Variants in C6orf132 observed in about 807,000 individuals in gnomAD.
C6orf132 encodes uncharacterized protein C6orf132.
In C6orf132, 43 loss-of-function variants were observed where a neutral mutation model predicts 65.3. That is an observed-to-expected ratio of 0.66 (90% CI 0.52 to 0.85). C6orf132 has a LOEUF of 0.85. Among genes scored for constraint, C6orf132 ranks in the 40% least tolerant of loss-of-function variants. The pLI, the probability that C6orf132 is intolerant of heterozygous loss-of-function variation, is 0.00. For synonymous variants in C6orf132, 631 were observed against 654.1 expected, an observed-to-expected ratio of 0.96 and a Z score of 0.54; for missense variants, 1,488 against 1,548.8, an observed-to-expected ratio of 0.96 and a Z score of 0.66.
chr6:42,138,675 AG>A (rs1766988628), intron 1 of C6orf132, among the ~76,000 whole-genome samples: 4 of 152,160 alleles, frequency 2.6e-5, no homozygotes, highest in Admixed American at 2.0e-4. Context: ...CTAGCAAACA[AG>A]GGTGTCCCAT....
intron 2 of C6orf132, among the ~76,000 whole-genome samples, chr6:42,118,209 A>G (rs1392355837): frequency 1.3e-5 from 2 of 152,146 alleles, no homozygotes; most frequent in East Asian, 3.9e-4. Context: ...AGACAACTGT[A>G]TTGCCTCGAG....
At chr6:42,107,616 G>A in intron 3 of C6orf132, 33 bp from the exon 4 acceptor site, 1 of 1,550,282 alleles carries the variant, frequency 6.5e-7, no homozygotes, top group Non-Finnish European at 8.7e-7. Context: ...TGGGGGGCAG[G>A]AACAAGGCAG....
chr6:42,107,366 G>A lies in C6orf132; in HGVS notation c.546C>T (p.Pro182=). The change falls in exon 4 of 5, where the codon CCC becomes CCT. Residue 182 remains proline (P), a synonymous_variant. Coordinates refer to ENST00000341865, the MANE Select transcript of C6orf132 (RefSeq NM_001164446.3). ...PPPPLLLEPP[P]PPSMAPPPPP... ...GTGGAGGTGGGGCCATGCTGGGCGG[G>A]GGTGGGGGTTCCAGCAGCAGGGGAG... is the stretch of plus-strand genomic sequence containing the variant. 9.5e-7 allele frequency: 1 copy of A among 1,055,008 alleles called. No individual in the cohort carries two copies. Among genetic ancestry groups the A allele is most frequent in the South Asian group, 1.6e-5 (1 of 63,554 alleles). The allele number at this position is 1,055,008 out of a possible 1,614,324, so 65.4% of individuals were successfully genotyped here.
At chr6:42,133,255 G>T (rs868684154) in intron 1 of C6orf132, among the ~76,000 whole-genome samples, 2 of 152,250 alleles carry the variant, frequency 1.3e-5, no homozygotes, top group Admixed American at 6.5e-5. Context: ...GGAGGTGAAG[G>T]GGGTGCCTGG....
chr6:42,115,079 T>A (rs1313429902), intron 2 of C6orf132, among the ~76,000 whole-genome samples: 1 of 147,406 alleles, frequency 6.8e-6, no homozygotes, highest in Non-Finnish European at 1.5e-5. Context: ...GGTGGGCAGA[T>A]CACGAGGTCA....
intron 3 of C6orf132, among the ~76,000 whole-genome samples, chr6:42,109,113 G>A (rs941327040): frequency 6.6e-6 from 1 of 152,158 alleles, no homozygotes; most frequent in African/African-American, 2.4e-5. Context: ...AACACCAGCA[G>A]GGGAGGGGTG....
At chr6:42,117,099 G>A (rs1435133792) in intron 2 of C6orf132, among the ~76,000 whole-genome samples, 1 of 152,086 alleles carries the variant, frequency 6.6e-6, no homozygotes, top group Non-Finnish European at 1.5e-5. Flanking sequence ...CAGATTAAAT[G>A]CCCTTCCTCT....
intron 1 of C6orf132, among the ~76,000 whole-genome samples, chr6:42,129,447 C>G (rs567191500): frequency 6.6e-6 from 1 of 152,312 alleles, no homozygotes; most frequent in East Asian, 1.9e-4. Flanking sequence ...TTTTCCCATC[C>G]GTACAGTGGG....
intron 1 of C6orf132, among the ~76,000 whole-genome samples, chr6:42,136,296 G>C (rs181753435): frequency 2.6e-5 from 4 of 152,040 alleles, no homozygotes; most frequent in African/African-American, 9.7e-5. Context: ...TGTAAAATGA[G>C]GATGATACTT....
In C6orf132 at chr6:42,104,623, C is replaced by T. The variant is rs1248852340; in HGVS notation, c.3289G>A (p.Gly1097Arg). ...SSPNCFGPQPGGPEMRRVNSA... is the reference protein window; with the variant it reads ...SSPNCFGPQPRGPEMRRVNSA... ...TTCACGCGCCGCATCTCGGGGCCTC[C>T]GGGCTGCGGCCCGAAGCAGTTGGGA... Residue 1097 changes from glycine to arginine, a missense_variant, in exon 4 of 5, where the codon GGA becomes AGA. Coordinates refer to ENST00000341865, the MANE Select transcript of C6orf132 (RefSeq NM_001164446.3). The surrounding 1 kb of genome is among the most constrained non-coding windows in gnomAD (Gnocchi z 4.1). The T allele has an allele frequency of 5.8e-6, 8 of 1,382,384 alleles. No homozygotes were observed. Among genetic ancestry groups the T allele is most frequent in the Middle Eastern group, 2.2e-4 (1 of 4,632 alleles). 85.6% of individuals were successfully genotyped at this position (1,382,384 alleles called of 1,614,324 possible).
intron 1 of C6orf132, among the ~76,000 whole-genome samples, chr6:42,140,206 C>G (rs1439006257): frequency 1.3e-5 from 2 of 152,280 alleles, no homozygotes; most frequent in African/African-American, 4.8e-5. Context: ...AGGAGCTGTC[C>G]TTTGGACTCC....
At position 42,104,251 on chromosome 6, in the gene C6orf132, C is replaced by T. The variant is rs540905935; in HGVS notation, c.3449+212G>A. 6.6e-6 allele frequency among the ~76,000 whole-genome samples: 1 copy of T among 152,212 alleles called. No homozygotes were observed. The highest frequency in any genetic ancestry group is 1.9e-4 in the East Asian group (1 of 5,184). ...GCAGGAGAGAGACAGACGAGAGGAG[C>T]TGGTGGGGAAAGAGAAGGGAGGTCA... is the stretch of plus-strand genomic sequence containing the variant. On this transcript the variant is annotated intron_variant, in intron 4 of 4. Transcript: ENST00000341865. This position sits in a 1 kb window ranked among gnomAD's most constrained non-coding sequence, Gnocchi z 4.1.
intron 1 of C6orf132, among the ~76,000 whole-genome samples, chr6:42,133,847 G>GAACT (rs1471773592): frequency 6.7e-6 from 1 of 148,918 alleles, no homozygotes; most frequent in African/African-American, 2.5e-5. Context: ...GGCGGGGCGG[G>GAACT]GGAGGTGGAT....
chr6:42,127,575 G>A (rs1007241065), intron 2 of C6orf132, among the ~76,000 whole-genome samples: 1 of 152,168 alleles, frequency 6.6e-6, no homozygotes, highest in African/African-American at 2.4e-5. Flanking sequence ...AGTCTAACAG[G>A]CCCCTGAGAG....
intron 2 of C6orf132, 87 bp downstream of exon 2, chr6:42,128,585 G>A: frequency 1.0e-6 from 1 of 969,508 alleles, no homozygotes; most frequent in South Asian, 1.4e-5. Context: ...TGGACAGAGG[G>A]TGCAGCTGAT....
intron 1 of C6orf132, among the ~76,000 whole-genome samples, chr6:42,139,374 C>T (rs17624071): frequency 0.28 from 42,638 of 151,926 alleles, 6,183 homozygotes; most frequent in African/African-American, 0.36. Context: ...ATGCTGGGAA[C>T]GATCCAATAA....
At chr6:42,138,013 C>T (rs1005968670) in intron 1 of C6orf132, among the ~76,000 whole-genome samples, 2 of 152,188 alleles carry the variant, frequency 1.3e-5, no homozygotes, top group Admixed American at 6.5e-5. Flanking sequence ...GAGCCGAGAT[C>T]GTGCCACTGC....
intron 2 of C6orf132, among the ~76,000 whole-genome samples, chr6:42,116,623 T>C (rs1766584920): frequency 6.6e-6 from 1 of 152,196 alleles, no homozygotes; most frequent in South Asian, 2.1e-4. Context: ...ACTTTCTGGC[T>C]CAGAATCCTT....
chr6:42,139,112 T>C (rs559731228), intron 1 of C6orf132, among the ~76,000 whole-genome samples: 1 of 152,344 alleles, frequency 6.6e-6, no homozygotes, highest in East Asian at 1.9e-4. Flanking sequence ...AACAGTTGAT[T>C]ACTCCTTAAT....
Sources: allele counts gnomAD v4.1 joint callset (sites outside exome capture counted in the v4.1 genomes callset), GRCh38; gene constraint gnomAD v4.1.1; non-coding constraint Gnocchi (gnomAD v3.1); transcripts MANE v1.5; gene names NCBI Gene and HGNC (gene_info 2026-07-23, HGNC 2026-07-21).